The following ACLY variants were observed in gnomAD, a reference collection of about 807,000 sequenced individuals.
ACLY encodes ATP-citrate synthase.
ACLY carries 41 observed loss-of-function variants against 133.0 expected under a neutral mutation model. The observed-to-expected ratio is 0.31, with a 90% confidence interval of 0.24 to 0.40. The LOEUF (loss-of-function observed/expected upper bound fraction) is 0.40, where lower values mean the gene tolerates loss of function less well. Ranked by LOEUF, ACLY falls within the 10% of genes least tolerant of loss-of-function variation. The pLI, the probability that ACLY is intolerant of heterozygous loss-of-function variation, is 1.00. For missense variants in ACLY, 1,046 were observed against 1,453.8 expected (o/e 0.72, Z 4.56); for synonymous variants, 495 against 549.3 (o/e 0.90, Z 1.38).
In ACLY at chr17:41,883,204, C is replaced by T; in HGVS notation, c.2183G>A (p.Cys728Tyr). 1 of 1,613,906 alleles carries T rather than the reference C, an allele frequency of 6.2e-7. No individual in the cohort carries two copies. The highest frequency in any genetic ancestry group is 1.7e-5 in the Admixed American group (1 of 60,018). Reference protein sequence around the residue: ...EIGGTEEYKICRGIKEGRLTK... With the variant: ...EIGGTEEYKIYRGIKEGRLTK... ...GAGGCGGCCCTCCTTGATGCCCCGGCAAATCTTATATTCCTCAGTGCCCCC... is the reference window on the plus strand; with the variant it reads ...GAGGCGGCCCTCCTTGATGCCCCGGTAAATCTTATATTCCTCAGTGCCCCC... Residue 728 changes from cysteine to tyrosine, a missense_variant, in exon 20 of 29, where the codon TGC becomes TAC. By Grantham distance (194) the Cys-to-Tyr change is radical. Transcript: ENST00000352035.
At chr17:41,883,559 T>G (rs1389727740) in intron 19 of ACLY, among the ~76,000 whole-genome samples, 3 of 150,934 alleles carry the variant, frequency 2.0e-5, no homozygotes, top group African/African-American at 7.3e-5. Context: ...TCATCACATT[T>G]TTTAAAAAGC....
intron 23 of ACLY, 133 bp downstream of exon 23, chr17:41,873,678 C>G (rs1305964280): frequency 1.8e-6 from 2 of 1,103,504 alleles, no homozygotes; most frequent in African/African-American, 3.2e-5. Context: ...CCTCTGGCCG[C>G]TCAATTGACC....
chr17:41,907,304 A>AT, intron 7 of ACLY, 138 bp downstream of exon 7: 1 of 666,932 alleles, frequency 1.5e-6, no homozygotes, highest in East Asian at 3.2e-5. Flanking sequence ...TGAGGTTTTA[A>AT]GAAAATTAAA....
chr17:41,905,435 G>A, intron 9 of ACLY, 87 bp downstream of exon 9: 2 of 1,556,064 alleles, frequency 1.3e-6, no homozygotes, highest in Non-Finnish European at 1.8e-6. Flanking sequence ...CAGCCTTGGT[G>A]ACTCCTCAGA....
chr17:41,883,105 A>G lies in ACLY; in HGVS notation c.2265+17T>C. ...AATCCCCACTCCCAGCCCAGAAGTG[A>G]CCCATCTCAGCCATACCTCAGAGGA... On this transcript the variant is annotated intron_variant, in intron 20 of 28. Coordinates refer to ENST00000352035, the MANE Select transcript of ACLY (RefSeq NM_001096.3). The G allele has an allele frequency of 6.2e-7, 1 of 1,604,912 alleles. No homozygotes were observed. The highest frequency in any genetic ancestry group is 8.5e-7 in the Non-Finnish European group (1 of 1,173,310).
intron 28 of ACLY, 149 bp from the exon 29 acceptor site, chr17:41,868,053 A>C: frequency 2.2e-6 from 1 of 461,794 alleles, no homozygotes; most frequent in Non-Finnish European, 3.8e-6. Context: ...TAGGTAGATG[A>C]GGCGGACTTT....
chr17:41,912,048 A>T (rs2049917699), intron 3 of ACLY, among the ~76,000 whole-genome samples: 1 of 150,002 alleles, frequency 6.7e-6, no homozygotes, highest in Admixed American at 6.7e-5. Context: ...CAGGAGGCGG[A>T]GGTTGCAGTG....
At chr17:41,919,070 G>C (rs376935961), upstream of ACLY, 109 of 1,238,460 alleles carry the variant, frequency 8.8e-5, no homozygotes, top group Admixed American at 4.3e-4. Context: ...TAGCCTGAGC[G>C]CCAGGGCTCC....
At chr17:41,880,621 T>C (rs1342919927) in intron 20 of ACLY, among the ~76,000 whole-genome samples, 2 of 151,990 alleles carry the variant, frequency 1.3e-5, no homozygotes, top group African/African-American at 2.4e-5. Context: ...TCCCAGCACT[T>C]TGAGAGGCCG....
rs11549566 is a variant in ACLY at position 41,913,751 on chromosome 17, G to T, written c.123C>A (p.Ala41=). 3.1e-6 allele frequency: 5 copies of T among 1,614,100 alleles called. No individual in the cohort carries two copies. Among genetic ancestry groups the T allele is most frequent in the African/African-American group, 1.3e-5 (1 of 74,944 alleles). ...YARVTPDTDW[A]RLLQDHPWLL... ...GCCAGGGGTGGTCCTGCAGCAAGCG[G>T]GCCCAGTCTGTGTCAGGAGTGACCC... The change falls in exon 2 of 29, where the codon GCC becomes GCA. Residue 41 remains alanine (A), a synonymous_variant. Coordinates refer to ENST00000352035, the MANE Select transcript of ACLY (RefSeq NM_001096.3).
Position 41,912,411 on chromosome 17 carries a change from C to T in ACLY, c.282+9G>A. ...CACACACGTTCATCCTGACCCCATG[C>T]CCACTCACTGTGGCTTCCTGTCCCA... On this transcript the variant is annotated intron_variant, in intron 3 of 28. Coordinates refer to ENST00000352035, the MANE Select transcript of ACLY (RefSeq NM_001096.3). The T allele has an allele frequency of 3.7e-6, 6 of 1,613,702 alleles. No individual in the cohort carries two copies. Among genetic ancestry groups the T allele is most frequent in the Non-Finnish European group, 5.1e-6 (6 of 1,179,774 alleles).
chr17:41,896,251 C>T lies in ACLY; in HGVS notation c.1459+369G>A, dbSNP rs374620612. On this transcript the variant is annotated intron_variant, in intron 14 of 28. Coordinates refer to ENST00000352035, the MANE Select transcript of ACLY (RefSeq NM_001096.3). ...AGCAGTGACAGACGCCCACGACTCT[C>T]TGCCACTCCCCATTTAGTTGGATGG... Among the ~76,000 whole-genome samples, 17 of 152,328 alleles carry T rather than the reference C, an allele frequency of 1.1e-4. No homozygotes were observed. The East Asian group carries it at 2.7e-3, about 24-fold the overall frequency.
At chr17:41,896,879 G>C (rs1420386166) in intron 13 of ACLY, among the ~76,000 whole-genome samples, 2 of 152,226 alleles carry the variant, frequency 1.3e-5, no homozygotes, top group Admixed American at 1.3e-4. Flanking sequence ...GGGCAGAGAG[G>C]GGGCAGGAGG....
At chr17:41,875,587 G>A (rs1390633518) in intron 22 of ACLY, among the ~76,000 whole-genome samples, 2 of 151,942 alleles carry the variant, frequency 1.3e-5, no homozygotes, top group African/African-American at 2.4e-5. Context: ...GATTGCAGGC[G>A]CGCGCCGCCA....
At chr17:41,897,671 G>T in intron 13 of ACLY, 78 bp downstream of exon 13, 1 of 1,377,514 alleles carries the variant, frequency 7.3e-7, no homozygotes, top group Non-Finnish European at 9.9e-7. Context: ...GCCCAGGGGG[G>T]AAAGGGAAAG....
intron 1 of ACLY, 148 bp downstream of exon 1, chr17:41,918,732 A>AG: frequency 2.0e-6 from 2 of 1,017,100 alleles, no homozygotes; most frequent in Non-Finnish European, 2.6e-6. Context: ...GCGAAGGCTA[A>AG]CCTAAAGCTA....
At chr17:41,900,126 C>T (rs139940713) in intron 11 of ACLY, among the ~76,000 whole-genome samples, 231 of 136,202 alleles carry the variant, frequency 1.7e-3, no homozygotes, top group African/African-American at 5.7e-3. Flanking sequence ...TTTGGGAGGC[C>T]GAGGCAGTCT....
At chr17:41,870,582 T>A (rs949536859) in intron 25 of ACLY, 1 of 152,230 alleles carries the variant, frequency 6.6e-6, no homozygotes, top group Non-Finnish European at 1.5e-5. Context: ...GCTGTCCCCA[T>A]AAGGCCCTGA....
chr17:41,918,021 C>A (rs1489667174), intron 1 of ACLY, among the ~76,000 whole-genome samples: 1 of 152,230 alleles, frequency 6.6e-6, no homozygotes, highest in Non-Finnish European at 1.5e-5. Flanking sequence ...CCCAGGAAGA[C>A]CTCCAGGGAC....
Sources: allele counts gnomAD v4.1 joint callset (sites outside exome capture counted in the v4.1 genomes callset), GRCh38; gene constraint gnomAD v4.1.1; transcripts MANE v1.5; gene names NCBI Gene and HGNC (gene_info 2026-07-23, HGNC 2026-07-21).